Variants in ADCY5 observed in about 807,000 individuals in gnomAD.
ADCY5 encodes the protein adenylate cyclase type 5.
In ADCY5, 30 loss-of-function variants were observed where a neutral mutation model predicts 119.7. The observed-to-expected ratio is 0.25, with a 90% CI of 0.19 to 0.34. The LOEUF (loss-of-function observed/expected upper bound fraction) is 0.34, where lower values mean the gene tolerates loss of function less well. Ranked by LOEUF, ADCY5 falls within the 10% of genes least tolerant of loss-of-function variation. The probability of loss-of-function intolerance (pLI) is 1.00; values close to 1 mark genes in which losing one functional copy is unlikely to be tolerated. For synonymous variants in ADCY5, 753 were observed against 762.2 expected (o/e 0.99, Z 0.20); for missense variants, 1,324 against 1,775.2 (o/e 0.75, Z 4.57).
intron 14 of ADCY5, among the ~76,000 whole-genome samples, chr3:123,301,443 A>C (rs1939848107): frequency 6.6e-6 from 1 of 152,116 alleles, no homozygotes; most frequent in Admixed American, 6.5e-5. Context: ...AGAGCCCCAG[A>C]GCCTCAGTCT....
At chr3:123,366,167 T>C (rs866632734) in intron 1 of ADCY5, among the ~76,000 whole-genome samples, 22 of 152,386 alleles carry the variant, frequency 1.4e-4, no homozygotes, top group African/African-American at 4.8e-4. Flanking sequence ...GTTTTTACTT[T>C]TTGGCCCACT....
intron 1 of ADCY5, among the ~76,000 whole-genome samples, chr3:123,437,933 C>G (rs1412188254): frequency 6.6e-6 from 1 of 152,168 alleles, no homozygotes; most frequent in South Asian, 2.1e-4. Context: ...TCCCTGCCAG[C>G]CCCCTCAATT....
chr3:123,347,433 T>C (rs576778509), intron 3 of ADCY5, among the ~76,000 whole-genome samples: 1 of 152,188 alleles, frequency 6.6e-6, no homozygotes, highest in East Asian at 1.9e-4. Context: ...GAGATGATGG[T>C]GGTGACATTC....
At chr3:123,387,949 C>A (rs1408653971) in intron 1 of ADCY5, among the ~76,000 whole-genome samples, 1 of 152,076 alleles carries the variant, frequency 6.6e-6, no homozygotes, top group Non-Finnish European at 1.5e-5. Context: ...GAAGGCTTCC[C>A]AGAGAAGGTG....
chr3:123,439,618 C>T (rs1005079742), intron 1 of ADCY5, among the ~76,000 whole-genome samples: 76 of 147,740 alleles, frequency 5.1e-4, no homozygotes, highest in African/African-American at 1.9e-3. Flanking sequence ...GTACTATCCA[C>T]GATTTTAGGC....
intron 12 of ADCY5, among the ~76,000 whole-genome samples, chr3:123,309,165 C>T (rs139586206): frequency 6.6e-6 from 1 of 152,300 alleles, no homozygotes; most frequent in East Asian, 1.9e-4. Flanking sequence ...CATCGAAGAC[C>T]TCCCCGGGCC....
At chr3:123,366,947 C>T (rs1943463016) in intron 1 of ADCY5, among the ~76,000 whole-genome samples, 1 of 152,192 alleles carries the variant, frequency 6.6e-6, no homozygotes, top group Admixed American at 6.5e-5. Flanking sequence ...AATTTGCATT[C>T]CTCTCTAAAT....
chr3:123,408,706 G>A (rs1559867407), intron 1 of ADCY5, among the ~76,000 whole-genome samples: 1 of 150,796 alleles, frequency 6.6e-6, no homozygotes, highest in African/African-American at 2.4e-5. Flanking sequence ...GCCGGGCATG[G>A]TGGCTCACTC....
chr3:123,382,681 T>C (rs1944070935), intron 1 of ADCY5, among the ~76,000 whole-genome samples: 1 of 151,774 alleles, frequency 6.6e-6, no homozygotes, highest in South Asian at 2.1e-4. Context: ...AAAGGACAAA[T>C]ATTGTGGGAA....
intron 5 of ADCY5, 118 bp from the exon 6 acceptor site, chr3:123,328,920 C>T: frequency 5.5e-6 from 6 of 1,084,042 alleles, no homozygotes; most frequent in Non-Finnish European, 6.6e-6. Flanking sequence ...CTTCTCTCTC[C>T]CATCCAGCCC....
Position 123,417,873 on chromosome 3 carries a change from C to T in ADCY5, c.1134+29539G>A, listed in dbSNP as rs184413352. On this transcript the variant is annotated intron_variant, in intron 1 of 20. Coordinates refer to ENST00000462833, the MANE Select transcript of ADCY5 (RefSeq NM_183357.3). ...TCCGAAAATGATATAAATGAAGGCT[C>T]GTAAGGTAAGATGGCCTGGGATGCC... Among the ~76,000 whole-genome samples the T allele has an allele frequency of 1.9e-3, 285 of 152,182 alleles. 1 individual carries two copies. Among genetic ancestry groups the T allele is most frequent in the African/African-American group, 6.4e-3 (265 of 41,502 alleles).
At chr3:123,386,432 G>A (rs945786951) in intron 1 of ADCY5, among the ~76,000 whole-genome samples, 3 of 152,198 alleles carry the variant, frequency 2.0e-5, no homozygotes, top group Admixed American at 2.0e-4. Context: ...ACCCATATGT[G>A]CTCTCTGGAA....
intron 1 of ADCY5, among the ~76,000 whole-genome samples, chr3:123,424,172 A>G (rs1166903630): frequency 1.3e-5 from 2 of 152,218 alleles, no homozygotes; most frequent in African/African-American, 2.4e-5. Flanking sequence ...TGTGGGGGCC[A>G]AGGGGTGGGC....
chr3:123,430,155 A>G (rs1450762483), intron 1 of ADCY5, among the ~76,000 whole-genome samples: 1 of 152,212 alleles, frequency 6.6e-6, no homozygotes, highest in Non-Finnish European at 1.5e-5. Context: ...TGAGCATTCC[A>G]TATCTTTCAG....
At chr3:123,294,746 C>A (rs892726774) in intron 17 of ADCY5, among the ~76,000 whole-genome samples, 1 of 152,140 alleles carries the variant, frequency 6.6e-6, no homozygotes, top group African/African-American at 2.4e-5. Flanking sequence ...GCCTGCCGCA[C>A]CCCTGCTGAT....
chr3:123,328,052 A>C (rs184514840), intron 6 of ADCY5, among the ~76,000 whole-genome samples: 58 of 151,680 alleles, frequency 3.8e-4, no homozygotes, highest in Admixed American at 3.7e-3. Context: ...CAAGCCTCTC[A>C]CTCCTGCTCA....
In ADCY5 at chr3:123,412,504, C is replaced by T. The variant is rs539475880; in HGVS notation, c.1134+34908G>A. ...GATGGTTTGGGAGTGAGATTTCAAGCGTATGAAGACAGCAGTTACAGCACT... is the reference window on the plus strand; with the variant it reads ...GATGGTTTGGGAGTGAGATTTCAAGTGTATGAAGACAGCAGTTACAGCACT... On this transcript the variant is annotated intron_variant, in intron 1 of 20. Transcript: ENST00000462833. Among the ~76,000 whole-genome samples the T allele has an allele frequency of 3.3e-5, 5 of 152,264 alleles. No individual in the cohort carries two copies. The South Asian group carries it at 6.2e-4, about 19-fold the overall frequency.
At chr3:123,383,898 GCACA>G (rs1192372416) in intron 1 of ADCY5, among the ~76,000 whole-genome samples, 1 of 147,798 alleles carries the variant, frequency 6.8e-6, no homozygotes, top group African/African-American at 2.5e-5. Context: ...TCCTCAAGGT[GCACA>G]CACACACCCT....
intron 1 of ADCY5, among the ~76,000 whole-genome samples, chr3:123,366,982 C>T (rs1028029112): frequency 5.9e-5 from 9 of 152,222 alleles, no homozygotes; most frequent in African/African-American, 2.2e-4. Context: ...GAAAGACTTT[C>T]AGAGAAATCC....
Sources: gnomAD v4.1 joint callset for allele counts (sites outside exome capture counted in the v4.1 genomes callset) on GRCh38, gnomAD v4.1.1 for gene constraint, MANE v1.5 for transcripts, NCBI Gene and HGNC (gene_info 2026-07-23, HGNC 2026-07-21) for gene names.